Variants in BICC1 observed in about 807,000 individuals in gnomAD.
The protein encoded by BICC1 is BicC family RNA binding protein 1, also known as protein bicaudal C homolog 1.
In BICC1, 43 loss-of-function variants were observed where a neutral mutation model predicts 111.0. That is an observed-to-expected ratio of 0.39 (90% confidence interval 0.30 to 0.50). The LOEUF is 0.50. Among genes scored for constraint, BICC1 ranks in the 20% least tolerant of loss-of-function variants. The probability of loss-of-function intolerance (pLI) is 0.88; values close to 1 mark genes in which losing one functional copy is unlikely to be tolerated. For missense variants in BICC1, 1,091 were observed against 1,203.2 expected (o/e 0.91, Z 1.38); for synonymous variants, 467 against 434.4 (o/e 1.07, Z -0.93).
intron 20 of BICC1, chr10:58,824,145 G>A (rs1193138254): frequency 6.2e-6 from 6 of 965,564 alleles, no homozygotes; most frequent in Non-Finnish European, 7.4e-6. Context: ...TGCCTTGGTT[G>A]GTCTTCTCTG....
At chr10:58,799,914 G>A (rs1287251386) in intron 12 of BICC1, among the ~76,000 whole-genome samples, 1 of 152,196 alleles carries the variant, frequency 6.6e-6, no homozygotes, top group East Asian at 1.9e-4. Flanking sequence ...GATAGGAATA[G>A]CATTGAATCT....
intron 2 of BICC1, among the ~76,000 whole-genome samples, chr10:58,637,967 G>A (rs1316304101): frequency 2.0e-5 from 3 of 152,112 alleles, no homozygotes; most frequent in East Asian, 3.9e-4. Flanking sequence ...GGAAGATAAA[G>A]GGACTGATAT....
At chr10:58,785,242 T>C (rs1295729936) in intron 4 of BICC1, among the ~76,000 whole-genome samples, 162 bp downstream of exon 4, 2 of 152,178 alleles carry the variant, frequency 1.3e-5, no homozygotes, top group East Asian at 3.8e-4. Context: ...AAGTTCTGTT[T>C]AATATTTGAA....
chr10:58,575,864 A>G (rs568086318), intron 1 of BICC1, among the ~76,000 whole-genome samples: 3 of 152,326 alleles, frequency 2.0e-5, no homozygotes, highest in South Asian at 2.1e-4. Context: ...ATGCAAGTTC[A>G]CAATAGAAGT....
At chr10:58,537,876 A>G (rs1842862789) in intron 1 of BICC1, among the ~76,000 whole-genome samples, 1 of 151,684 alleles carries the variant, frequency 6.6e-6, no homozygotes, top group Non-Finnish European at 1.5e-5. Context: ...TTCCTTTTAC[A>G]ATAGTTATAC....
chr10:58,626,048 TTTAA>T (rs1224237418), intron 2 of BICC1, among the ~76,000 whole-genome samples: 1 of 152,200 alleles, frequency 6.6e-6, no homozygotes, highest in Non-Finnish European at 1.5e-5. Flanking sequence ...ATCCAGATAT[TTTAA>T]AGCTTTAATT....
chr10:58,541,605 T>C (rs1301362596), intron 1 of BICC1, among the ~76,000 whole-genome samples: 2 of 152,150 alleles, frequency 1.3e-5, no homozygotes, highest in Non-Finnish European at 2.9e-5. Flanking sequence ...GAATCCTTAA[T>C]ATTTTGTTAA....
rs1360334189 is a variant in BICC1 at position 58,702,071 on chromosome 10, C to T, written c.238-3C>T. On this transcript the variant is annotated splice_region_variant and splice_polypyrimidine_tract_variant and intron_variant, in intron 2 of 20. Transcript: ENST00000373886. ...TCAATATTTCTCTCAATTTTTGTTA[C>T]AGATCATGGAGGAAACAAATACGCA... 2.5e-6 allele frequency: 4 copies of T among 1,605,116 alleles called. No homozygotes were observed. The East Asian group carries it at 6.7e-5, about 27-fold the overall frequency.
chr10:58,805,172 A>C lies in BICC1; in HGVS notation c.2182-1412A>C, dbSNP rs112420582. On this transcript the variant is annotated intron_variant, in intron 15 of 20. Coordinates refer to ENST00000373886, the MANE Select transcript of BICC1 (RefSeq NM_001080512.3). ...GCCCAGCTTGGTGGTGGGCGCCTGTAGTCTCAGCTACTTGGGAGGCCGAGA... is the reference window on the plus strand; with the variant it reads ...GCCCAGCTTGGTGGTGGGCGCCTGTCGTCTCAGCTACTTGGGAGGCCGAGA... 1.4e-3 allele frequency among the ~76,000 whole-genome samples: 220 copies of C among 152,228 alleles called. 3 individuals carry two copies. The highest frequency in any genetic ancestry group is 5.2e-3 in the African/African-American group (214 of 41,540).
chr10:58,827,131 AAC>A (rs1844423274), intron 20 of BICC1, among the ~76,000 whole-genome samples: 1 of 152,202 alleles, frequency 6.6e-6, no homozygotes, highest in Admixed American at 6.5e-5. Context: ...CTTGTCTCCA[AAC>A]ACAAAGTCTC....
At chr10:58,540,706 T>C (rs1351328609) in intron 1 of BICC1, among the ~76,000 whole-genome samples, 1 of 152,030 alleles carries the variant, frequency 6.6e-6, no homozygotes, top group Non-Finnish European at 1.5e-5. Flanking sequence ...CCAGTCCTTC[T>C]CAAACTCTTC....
At chr10:58,598,352 T>C (rs934864444) in intron 1 of BICC1, among the ~76,000 whole-genome samples, 2 of 152,078 alleles carry the variant, frequency 1.3e-5, no homozygotes, top group African/African-American at 4.8e-5. Context: ...GAAATAATAC[T>C]GCACATCTAC....
intron 3 of BICC1, among the ~76,000 whole-genome samples, chr10:58,783,690 A>G (rs896364177): frequency 2.0e-5 from 3 of 152,162 alleles, no homozygotes; most frequent in Non-Finnish European, 2.9e-5. Flanking sequence ...ACAGGATATA[A>G]AAGACTTAGC....
intron 15 of BICC1, among the ~76,000 whole-genome samples, chr10:58,804,177 T>C (rs1005374424): frequency 1.1e-4 from 17 of 152,294 alleles, no homozygotes; most frequent in African/African-American, 4.1e-4. Flanking sequence ...GATGAATTTT[T>C]TTTTAAATAA....
chr10:58,514,637 C>T (rs1403619604), intron 1 of BICC1, among the ~76,000 whole-genome samples: 1 of 151,530 alleles, frequency 6.6e-6, no homozygotes, highest in Non-Finnish European at 1.5e-5. Flanking sequence ...TGACAAACAT[C>T]CCTAATGTGT....
In BICC1 at chr10:58,638,413, C is replaced by A. The variant is rs1161025534; in HGVS notation, c.237+17512C>A. Among the ~76,000 whole-genome samples the A allele has an allele frequency of 2.0e-5, 3 of 152,224 alleles. No individual in the cohort carries two copies. In the East Asian group the frequency reaches 5.8e-4, roughly 29 times the overall value. On this transcript the variant is annotated intron_variant, in intron 2 of 20. Transcript: ENST00000373886. ...TTTCAAAATGTGGTTCTGAATTGGA[C>A]TAACTCAAGCTGCAGTTAAAGGAAA... is the stretch of plus-strand genomic sequence containing the variant.
In BICC1 at chr10:58,806,585, C is replaced by T. The variant is rs1399869132; in HGVS notation, c.2183C>T (p.Ala728Val). 6.2e-7 allele frequency: 1 copy of T among 1,611,980 alleles called. No homozygotes were observed. Among genetic ancestry groups the T allele is most frequent in the Non-Finnish European group, 8.5e-7 (1 of 1,178,458 alleles). ...APRSSYVNMQ[A>V]FDYEQKKLLA... ...AGGTATTTTCTGTTTCATTTTCAGG[C>T]ATTTGACTATGAACAGAAGAAGCTA... Residue 728 changes from alanine (A) to valine (V), a missense_variant and splice_region_variant, in exon 16 of 21, where the codon GCA becomes GTA. Around this residue, in one of 3 missense-constraint regions of BICC1, gnomAD observed 17 missense variants for 46.2 expected, o/e 0.37. Coordinates refer to ENST00000373886, the MANE Select transcript of BICC1 (RefSeq NM_001080512.3).
At chr10:58,720,515 T>C (rs1442863985) in intron 3 of BICC1, among the ~76,000 whole-genome samples, 1 of 152,214 alleles carries the variant, frequency 6.6e-6, no homozygotes, top group Non-Finnish European at 1.5e-5. Context: ...AGGAAAATAT[T>C]CCTTAAGTAT....
intron 2 of BICC1, among the ~76,000 whole-genome samples, chr10:58,647,269 C>T (rs1838298192): frequency 6.6e-6 from 1 of 152,128 alleles, no homozygotes; most frequent in Non-Finnish European, 1.5e-5. Context: ...TAAACATTCA[C>T]TATTTGCCTA....
Sources: gnomAD v4.1 joint callset for allele counts (sites outside exome capture counted in the v4.1 genomes callset) on GRCh38, gnomAD v4.1.1 for gene constraint, gnomAD v4.1.1 regional missense constraint, MANE v1.5 for transcripts, NCBI Gene and HGNC (gene_info 2026-07-23, HGNC 2026-07-21) for gene names.